Variants in CACNA1C observed in about 807,000 individuals in gnomAD.
CACNA1C encodes voltage-dependent L-type calcium channel subunit alpha-1C.
A neutral mutation model predicts 229.0 loss-of-function variants in CACNA1C; 30 were observed. The observed-to-expected ratio is 0.13, with a 90% CI of 0.10 to 0.18. The LOEUF is 0.18. CACNA1C is among the 10% of genes least tolerant of loss of function. CACNA1C has a pLI of 1.00. For synonymous variants in CACNA1C, 1,114 were observed against 1,132.5 expected (o/e 0.98, Z 0.33); for missense variants, 1,658 against 2,845.0 (o/e 0.58, Z 9.49).
At chr12:2,338,496 C>A (rs2096767640) in intron 3 of CACNA1C, among the ~76,000 whole-genome samples, 1 of 151,196 alleles carries the variant, frequency 6.6e-6, no homozygotes, top group Non-Finnish European at 1.5e-5. Context: ...ACCCCCACCC[C>A]CATGAAGCTG....
intron 29 of CACNA1C, among the ~76,000 whole-genome samples, chr12:2,615,376 A>G (rs1180186068): frequency 6.6e-6 from 1 of 152,262 alleles, no homozygotes; most frequent in Non-Finnish European, 1.5e-5. Flanking sequence ...CCTGGGGAAA[A>G]AGTCTAACAG....
chr12:2,063,067 T>C (rs537232853), intron 1 of CACNA1C, among the ~76,000 whole-genome samples: 1 of 152,178 alleles, frequency 6.6e-6, no homozygotes, highest in African/African-American at 2.4e-5. Context: ...TCACTTTTCA[T>C]TCCCCTCTCT....
chr12:2,456,745 C>T (rs1286056240), intron 4 of CACNA1C, among the ~76,000 whole-genome samples: 2 of 152,186 alleles, frequency 1.3e-5, no homozygotes, highest in African/African-American at 4.8e-5. Flanking sequence ...CTCTGCAGAG[C>T]CCCTCCCCGC....
chr12:2,311,248 G>A (rs1032248489), intron 3 of CACNA1C, among the ~76,000 whole-genome samples: 4 of 152,170 alleles, frequency 2.6e-5, no homozygotes, highest in Non-Finnish European at 4.4e-5. Context: ...TGGAAGCAGC[G>A]GCTAGTGGAA....
chr12:2,519,203 T>C (rs2099804559), intron 9 of CACNA1C, among the ~76,000 whole-genome samples: 1 of 152,244 alleles, frequency 6.6e-6, no homozygotes, highest in East Asian at 1.9e-4. Flanking sequence ...TGAGAGGTCC[T>C]TCTTGGGGCT....
At chr12:2,177,643 T>TCTTG (rs2096709267) in intron 3 of CACNA1C, among the ~76,000 whole-genome samples, 1 of 135,586 alleles carries the variant, frequency 7.4e-6, no homozygotes, top group Admixed American at 7.2e-5. Flanking sequence ...TCTCTTTCTT[T>TCTTG]CTTTCTTTCT....
chr12:2,044,900 G>A (rs1190289433), intron 1 of CACNA1C, among the ~76,000 whole-genome samples: 1 of 152,204 alleles, frequency 6.6e-6, no homozygotes, highest in Non-Finnish European at 1.5e-5. Flanking sequence ...AAATTAATGT[G>A]TGGAATTCTA....
In CACNA1C at chr12:2,677,206, C is replaced by T. The variant is rs773832706; in HGVS notation, c.4941C>T (p.Asn1647=). The T allele has an allele frequency of 4.8e-5, 78 of 1,613,546 alleles. No individual in the cohort carries two copies. Among genetic ancestry groups the T allele is most frequent in the Middle Eastern group, 3.3e-4 (2 of 6,084 alleles). The part of the protein sequence containing the change: ...QGLVGKPSQR[N]ALSLQAGLRT... Reference sequence around the variant, plus strand: ...TTGTGGGCAAGCCCTCCCAGAGGAACGCGCTGTCTCTGCAGGTGAGGGCCT... The same window carrying T: ...TTGTGGGCAAGCCCTCCCAGAGGAATGCGCTGTCTCTGCAGGTGAGGGCCT... The change falls in exon 40 of 47, where the codon AAC becomes AAT. Residue 1647 remains asparagine, a synonymous_variant. Coordinates refer to ENST00000399655, the MANE Select transcript of CACNA1C (RefSeq NM_000719.7). This position sits in a 1 kb window ranked among gnomAD's most constrained non-coding sequence, Gnocchi z 7.4.
intron 7 of CACNA1C, among the ~76,000 whole-genome samples, chr12:2,499,528 G>A (rs1274645078): frequency 6.6e-6 from 1 of 152,182 alleles, no homozygotes; most frequent in Non-Finnish European, 1.5e-5. Context: ...AAGTGGACTT[G>A]AGGGTTTAAA....
chr12:2,528,155 G>A (rs1387496568), intron 9 of CACNA1C, among the ~76,000 whole-genome samples: 1 of 152,154 alleles, frequency 6.6e-6, no homozygotes, highest in Non-Finnish European at 1.5e-5. Flanking sequence ...TGCTATACAG[G>A]AACTAACAGG....
chr12:2,546,321 C>CTGGTGTCTTCACACTATTCTG (rs2099880957), intron 9 of CACNA1C, among the ~76,000 whole-genome samples: 2 of 113,650 alleles, frequency 1.8e-5, no homozygotes, highest in African/African-American at 8.0e-5. Flanking sequence ...ACACTATTCC[C>CTGGTGTCTTCACACTATTCTG]TGCAGTAGCT....
chr12:2,207,382 A>C (rs778195606), intron 3 of CACNA1C, among the ~76,000 whole-genome samples: 37 of 152,326 alleles, frequency 2.4e-4, no homozygotes, highest in Non-Finnish European at 4.6e-4. Context: ...AGTTTGTGTG[A>C]TAGTTCTACT....
rs532524108 is a variant in CACNA1C at position 2,671,432 on chromosome 12, T to G, written c.4726+2397T>G. Among the ~76,000 whole-genome samples the G allele has an allele frequency of 2.0e-5, 3 of 152,350 alleles. No homozygotes were observed. The South Asian group carries it at 6.2e-4, about 32-fold the overall frequency. Reference sequence around the variant, plus strand: ...GAAAGATCAGCAGTGACATCCACCTTACTCCTTTAGTTTTTTTACTTTCCA... The same window carrying G: ...GAAAGATCAGCAGTGACATCCACCTGACTCCTTTAGTTTTTTTACTTTCCA... On this transcript the variant is annotated intron_variant, in intron 38 of 46. Coordinates refer to ENST00000399655, the MANE Select transcript of CACNA1C (RefSeq NM_000719.7).
chr12:2,552,248 A>C (rs2041696916), intron 10 of CACNA1C, among the ~76,000 whole-genome samples: 1 of 152,218 alleles, frequency 6.6e-6, no homozygotes, highest in Non-Finnish European at 1.5e-5. Context: ...CACAACAGGG[A>C]GGAAATTGAC....
chr12:2,441,229 G>C (rs1466623786), intron 3 of CACNA1C, among the ~76,000 whole-genome samples: 2 of 152,136 alleles, frequency 1.3e-5, no homozygotes, highest in Non-Finnish European at 2.9e-5. Flanking sequence ...CTTGGTATGA[G>C]TTCTCACACC....
chr12:2,556,845 C>A, intron 10 of CACNA1C, 106 bp from the exon 11 acceptor site: 1 of 885,988 alleles, frequency 1.1e-6, no homozygotes, highest in South Asian at 1.3e-5. Flanking sequence ...TTCCAGCACC[C>A]ACACGAAATT....
chr12:2,207,992 A>G (rs765285061), intron 3 of CACNA1C, among the ~76,000 whole-genome samples: 1 of 152,240 alleles, frequency 6.6e-6, no homozygotes, highest in Non-Finnish European at 1.5e-5. Context: ...TGGAGCATTC[A>G]TATAAGGAAC....
chr12:2,163,027 C>A (rs1171126433), intron 3 of CACNA1C, among the ~76,000 whole-genome samples: 2 of 151,866 alleles, frequency 1.3e-5, no homozygotes, highest in Non-Finnish European at 2.9e-5. Flanking sequence ...GGAGAAACCC[C>A]ATCTCTACTA....
intron 45 of CACNA1C, among the ~76,000 whole-genome samples, chr12:2,688,051 A>G (rs1414992632): frequency 6.6e-6 from 1 of 152,192 alleles, no homozygotes; most frequent in Non-Finnish European, 1.5e-5. Context: ...GCAGATGGAT[A>G]GACAGCATTC....
Sources: allele counts gnomAD v4.1 joint callset (sites outside exome capture counted in the v4.1 genomes callset), GRCh38; gene constraint gnomAD v4.1.1; non-coding constraint Gnocchi (gnomAD v3.1); transcripts MANE v1.5; gene names NCBI Gene and HGNC (gene_info 2026-07-23, HGNC 2026-07-21).